CYP4Z1: variants seen among roughly 807,000 people sequenced by gnomAD.
CYP4Z1 encodes the protein cytochrome P450 family 4 subfamily Z member 1.
A neutral mutation model predicts 54.2 loss-of-function variants in CYP4Z1; 41 were observed. That is an observed-to-expected ratio of 0.76 (90% CI 0.59 to 0.98). The LOEUF is 0.98. Ranked by LOEUF, CYP4Z1 falls within the 50% of genes least tolerant of loss-of-function variation. The probability of loss-of-function intolerance (pLI) is 0.00; values close to 1 mark genes in which losing one functional copy is unlikely to be tolerated. For synonymous variants in CYP4Z1, 163 were observed against 206.2 expected, an observed-to-expected ratio of 0.79 and a Z score of 1.79; for missense variants, 513 against 599.0, an observed-to-expected ratio of 0.86 and a Z score of 1.50.
In CYP4Z1 at chr1:47,070,186, C is replaced by A. The variant is rs948414659; in HGVS notation, c.319+1423C>A. On this transcript the variant is annotated intron_variant, in intron 2 of 11. Transcript: ENST00000334194. Reference sequence around the variant, plus strand: ...GCTTTTTATTTTGAAAATTTTCAACCCTACAAGAGAAATTTTGAACACCCA... The same window carrying A: ...GCTTTTTATTTTGAAAATTTTCAACACTACAAGAGAAATTTTGAACACCCA... Among the ~76,000 whole-genome samples, 9 of 101,160 alleles carry A rather than the reference C, an allele frequency of 8.9e-5. 1 individual carries two copies. The highest frequency in any genetic ancestry group is 1.5e-4 in the Non-Finnish European group (8 of 54,400). 66.4% of individuals were successfully genotyped at this position (101,160 alleles called of 152,430 possible).
intron 2 of CYP4Z1, among the ~76,000 whole-genome samples, chr1:47,077,500 AT>A (rs1426591431): frequency 6.6e-6 from 1 of 152,062 alleles, no homozygotes; most frequent in East Asian, 1.9e-4. Context: ...AATGGGTCCC[AT>A]TTTTTTACTC....
upstream of CYP4Z1, among the ~76,000 whole-genome samples, chr1:47,062,974 C>T (rs958170576): frequency 2.0e-5 from 3 of 152,204 alleles, no homozygotes; most frequent in Admixed American, 2.0e-4. Context: ...AGGACCCTCA[C>T]AGAGTCCACC....
At position 47,067,431 on chromosome 1, in the gene CYP4Z1, C is replaced by T. The variant is rs1644457546; in HGVS notation, c.-60C>T. The T allele has an allele frequency of 9.1e-6, 13 of 1,431,696 alleles. No individual in the cohort carries two copies. In the South Asian group the frequency reaches 1.9e-4, roughly 21 times the overall value. The allele number at this position is 1,431,696 out of a possible 1,614,324, so 88.7% of individuals were successfully genotyped here. A position where few individuals can be genotyped will look rare whatever the true frequency, so the allele number is the denominator to read the frequency against. ...GCATCTCCTTTGTGTTTATGAGAGA[C>T]CTGCATTCTCCCTGGCTCAGTTCTC... On this transcript the variant is annotated 5_prime_UTR_variant, in exon 1 of 12. Coordinates refer to ENST00000334194, the MANE Select transcript of CYP4Z1 (RefSeq NM_178134.3).
At chr1:47,056,036 T>C in the CYP4Z1 span, among the ~76,000 whole-genome samples, 1 of 152,236 alleles carries the variant, frequency 6.6e-6, no homozygotes, top group Non-Finnish European at 1.5e-5. Flanking sequence ...ATATCTTTCC[T>C]GCTTTCTCTT....
the CYP4Z1 span, among the ~76,000 whole-genome samples, chr1:47,055,527 C>T: frequency 6.6e-5 from 10 of 152,104 alleles, no homozygotes; most frequent in Non-Finnish European, 1.2e-4. Flanking sequence ...TGCTAGAATT[C>T]GGCTGTGAAT....
intron 8 of CYP4Z1, among the ~76,000 whole-genome samples, chr1:47,103,411 C>T (rs1644734414): frequency 6.6e-6 from 1 of 151,800 alleles, no homozygotes; most frequent in African/African-American, 2.4e-5. Flanking sequence ...CTCCTGGCCT[C>T]AAGCCATCTT....
the CYP4Z1 span, among the ~76,000 whole-genome samples, chr1:47,058,581 A>C: frequency 6.6e-6 from 1 of 152,250 alleles, no homozygotes; most frequent in African/African-American, 2.4e-5. Context: ...CCTTGACCCT[A>C]ACACAATCCT....
chr1:47,084,110 A>C (rs1422384003), intron 4 of CYP4Z1, among the ~76,000 whole-genome samples: 5 of 152,114 alleles, frequency 3.3e-5, no homozygotes, highest in Non-Finnish European at 7.4e-5. Flanking sequence ...CTGAATTCTA[A>C]TATATAGTTG....
chr1:47,084,722 C>A lies in CYP4Z1; in HGVS notation c.595C>A (p.Gln199Lys). The A allele has an allele frequency of 6.2e-7, 1 of 1,613,066 alleles. No homozygotes were observed. The highest frequency in any genetic ancestry group is 8.5e-7 in the Non-Finnish European group (1 of 1,179,794). The change falls in exon 5 of 12, where the codon CAG becomes AAG. Residue 199 changes from glutamine (Q) to lysine (K), a missense_variant. Transcript: ENST00000334194. ...CATCATGAAGTGTGCCTTCAGCCACCAGGGCAGCATCCAGTTGGACAGGTC... is the reference window on the plus strand; with the variant it reads ...CATCATGAAGTGTGCCTTCAGCCACAAGGGCAGCATCCAGTTGGACAGGTC... ...DSIMKCAFSH[Q>K]GSIQLDSTLD...
At chr1:47,096,195 A>G (rs186355643) in intron 7 of CYP4Z1, among the ~76,000 whole-genome samples, 160 of 152,286 alleles carry the variant, frequency 1.1e-3, no homozygotes, top group Non-Finnish European at 2.0e-3. Flanking sequence ...AGGCAGGAGG[A>G]TCACTTAAGG....
chr1:47,099,479 C>T (rs1162311965), intron 8 of CYP4Z1, among the ~76,000 whole-genome samples, 195 bp downstream of exon 8: 1 of 152,100 alleles, frequency 6.6e-6, no homozygotes, highest in African/African-American at 2.4e-5. Flanking sequence ...GTCAATCAGA[C>T]AGTATTCAGT....
the CYP4Z1 span, among the ~76,000 whole-genome samples, chr1:47,061,463 C>T: frequency 6.6e-6 from 1 of 152,090 alleles, no homozygotes; most frequent in Non-Finnish European, 1.5e-5. Context: ...ACACATACAC[C>T]TTCCCTAGAC....
chr1:47,068,496 A>G, intron 1 of CYP4Z1, 126 bp from the exon 2 acceptor site: 1 of 1,254,814 alleles, frequency 8.0e-7, no homozygotes, highest in South Asian at 1.5e-5. Context: ...TGCCTTCAAC[A>G]GATGTGAACC....
At chr1:47,110,794 G>A (rs2758720) in intron 9 of CYP4Z1, among the ~76,000 whole-genome samples, 62,215 of 147,636 alleles carry the variant, frequency 0.42, 14,489 homozygotes, top group East Asian at 0.96. Flanking sequence ...CAACCATAGA[G>A]GTTAGACCCT....
intron 7 of CYP4Z1, among the ~76,000 whole-genome samples, chr1:47,098,096 C>CCT (rs1557630130): frequency 2.2e-4 from 33 of 152,234 alleles, no homozygotes; most frequent in African/African-American, 6.7e-4. Context: ...GGATTACAAG[C>CCT]GTGAGCCGCT....
At chr1:47,088,842 G>A (rs1372290395) in intron 6 of CYP4Z1, among the ~76,000 whole-genome samples, 1 of 135,968 alleles carries the variant, frequency 7.4e-6, no homozygotes, top group Admixed American at 7.4e-5. Context: ...GGCTGGTTTC[G>A]AACTCCTGAG....
intron 9 of CYP4Z1, among the ~76,000 whole-genome samples, chr1:47,114,830 A>C (rs1357724418): frequency 6.6e-6 from 1 of 152,188 alleles, no homozygotes; most frequent in Non-Finnish European, 1.5e-5. Flanking sequence ...AAATAGGGAC[A>C]CTTTTACACT....
At chr1:47,116,326 C>T (rs1644829879) in intron 10 of CYP4Z1, among the ~76,000 whole-genome samples, 1 of 152,122 alleles carries the variant, frequency 6.6e-6, no homozygotes, top group African/African-American at 2.4e-5. Flanking sequence ...ATGACAGAGG[C>T]ACGGGTTTAC....
intron 9 of CYP4Z1, among the ~76,000 whole-genome samples, chr1:47,113,338 T>C (rs1644806435): frequency 1.3e-5 from 2 of 152,222 alleles, no homozygotes; most frequent in Non-Finnish European, 2.9e-5. Context: ...CCTTTTCTCT[T>C]GCATACATCC....
Sources: gnomAD v4.1 joint callset for allele counts (sites outside exome capture counted in the v4.1 genomes callset) on GRCh38, gnomAD v4.1.1 for gene constraint, MANE v1.5 for transcripts, NCBI Gene and HGNC (gene_info 2026-07-23, HGNC 2026-07-21) for gene names.